CIB3: variants seen among roughly 807,000 people sequenced by gnomAD.
CIB3 encodes calcium and integrin binding family member 3.
Under a neutral mutation model 23.4 loss-of-function variants are expected in CIB3, and 22 were observed. That is an observed-to-expected ratio of 0.94 (90% CI 0.67 to 1.34). The LOEUF is 1.34. Ranked by LOEUF, CIB3 falls within the 40% of genes most tolerant of loss-of-function variation. The pLI is 0.00. For missense variants in CIB3, 258 were observed against 247.3 expected (o/e 1.04, Z -0.29); for synonymous variants, 93 against 95.8 (o/e 0.97, Z 0.17).
At position 16,164,800 on chromosome 19, in the gene CIB3, C is replaced by T. The variant is rs572224060; in HGVS notation, c.460G>A (p.Asp154Asn). Residue 154 changes from aspartate (D) to asparagine (N), a missense_variant, in exon 5 of 6, where the codon GAT becomes AAT. Transcript: ENST00000269878. ...EVSLVCEKVLDEADGDHDGRL... is the reference protein window; with the variant it reads ...EVSLVCEKVLNEADGDHDGRL... ...CCATCATGGTCTCCATCAGCCTCAT[C>T]CAGCACCTTCTCACATACCAGGCTC... 1.2e-6 allele frequency: 2 copies of T among 1,614,066 alleles called. No individual in the cohort carries two copies. Among genetic ancestry groups the T allele is most frequent in the Admixed American group, 1.7e-5 (1 of 59,980 alleles).
intron 4 of CIB3, among the ~76,000 whole-genome samples, chr19:16,167,724 C>T (rs748195028): frequency 3.4e-4 from 52 of 151,976 alleles, no homozygotes; most frequent in Admixed American, 7.2e-4. Context: ...CCCAGCTACT[C>T]GGAAGGCTGA....
In CIB3 at chr19:16,168,248, A is replaced by T. The variant is rs752431823; in HGVS notation, c.235T>A (p.Ser79Thr). The T allele has an allele frequency of 1.2e-6, 2 of 1,613,824 alleles. No individual in the cohort carries two copies. The highest frequency in any genetic ancestry group is 4.5e-5 in the East Asian group (2 of 44,872). ...GTCATGTGGCCATCCCCATCCTCAG[A>T]GAATACCTGGGCAATCCTCTGGCGG... ...PFRQRIAQVF[S>T]EDGDGHMTLD... The change falls in exon 4 of 6, where the codon TCT becomes ACT. Residue 79 changes from serine to threonine, a missense_variant. By Grantham distance (58) the Ser-to-Thr change is moderately conservative. Transcript: ENST00000269878.
At chr19:16,161,723 G>A (rs999006576) in intron 5 of CIB3, among the ~76,000 whole-genome samples, 1 of 143,344 alleles carries the variant, frequency 7.0e-6, no homozygotes, top group African/African-American at 2.6e-5. Context: ...TGTCTCCCAG[G>A]CTGTAGTGCA....
At position 16,169,343 on chromosome 19, in the gene CIB3, C is replaced by T. The variant is rs189574098; in HGVS notation, c.198+287G>A. Among the ~76,000 whole-genome samples, 3 of 152,132 alleles carry T rather than the reference C, an allele frequency of 2.0e-5. No individual in the cohort carries two copies. The East Asian group carries it at 5.8e-4, about 29-fold the overall frequency. ...ATTTTTAGTAGAGACGGGGTTTCAC[C>T]ATGTTGGCCAGGCTGGTCTCGAACT... is the stretch of plus-strand genomic sequence containing the variant. On this transcript the variant is annotated intron_variant, in intron 3 of 5. Coordinates refer to ENST00000269878, the MANE Select transcript of CIB3 (RefSeq NM_054113.4).
chr19:16,173,086 C>T, intron 2 of CIB3, 76 bp downstream of exon 2: 3 of 1,145,908 alleles, frequency 2.6e-6, no homozygotes, highest in Non-Finnish European at 3.7e-6. Flanking sequence ...ACACACACAC[C>T]AAATTGCAAA....
intron 1 of CIB3, 56 bp from the exon 2 acceptor site, chr19:16,173,252 G>A (rs570526076): frequency 2.0e-5 from 32 of 1,611,774 alleles, no homozygotes; most frequent in East Asian, 8.9e-5. Context: ...CTCCTCCCAC[G>A]GCCTCCTCCC....
intron 4 of CIB3, among the ~76,000 whole-genome samples, chr19:16,167,603 G>A (rs1017111821): frequency 3.3e-5 from 5 of 152,016 alleles, no homozygotes; most frequent in Non-Finnish European, 5.9e-5. Context: ...AGGCCGAGGC[G>A]GGCGGATCAC....
At chr19:16,161,732 C>CA (rs2091285888) in intron 5 of CIB3, among the ~76,000 whole-genome samples, 1 of 126,726 alleles carries the variant, frequency 7.9e-6, no homozygotes, top group Non-Finnish European at 1.6e-5. Context: ...GGCTGTAGTG[C>CA]AGTGGTGTGA....
chr19:16,170,853 AAG>A (rs988899774), intron 2 of CIB3, among the ~76,000 whole-genome samples: 35 of 151,148 alleles, frequency 2.3e-4, no homozygotes, highest in African/African-American at 7.3e-4. Flanking sequence ...AAAAGAAAGA[AAG>A]AGGCCGGGCG....
chr19:16,161,551 C>G (rs1383246645), intron 5 of CIB3, 65 bp from the exon 6 acceptor site: 4 of 1,559,326 alleles, frequency 2.6e-6, no homozygotes, highest in Non-Finnish European at 3.5e-6. Context: ...CCTCCTCCCC[C>G]TCAACACGCT....
chr19:16,173,237 G>T (rs775472002), intron 1 of CIB3, 41 bp from the exon 2 acceptor site: 1 of 1,613,816 alleles, frequency 6.2e-7, no homozygotes, highest in Non-Finnish European at 8.5e-7. Context: ...CCCTGCCTCT[G>T]GGGCCTCCTC....
chr19:16,164,941 C>T (rs767873946), intron 4 of CIB3, 28 bp from the exon 5 acceptor site: 34 of 1,601,228 alleles, frequency 2.1e-5, no homozygotes, highest in Non-Finnish European at 2.7e-5. Flanking sequence ...TGGGGAGTGA[C>T]AGCAGGTGGC....
chr19:16,168,419 C>T (rs762507256), intron 3 of CIB3, 135 bp from the exon 4 acceptor site: 161 of 1,285,736 alleles, frequency 1.3e-4, no homozygotes, highest in Middle Eastern at 5.5e-4. Flanking sequence ...CTCCCATGGT[C>T]CCTGGACAGG....
Position 16,169,632 on chromosome 19 carries a change from T to G in CIB3, c.196A>C (p.Lys66Gln). 1.2e-6 allele frequency: 2 copies of G among 1,612,800 alleles called. No homozygotes were observed. The highest frequency in any genetic ancestry group is 1.7e-6 in the Non-Finnish European group (2 of 1,179,220). ...YELIGSMPEL[K>Q]DNPFRQRIAQ... ...TTTGTCCCATGGCCTGGGCATACCT[T>G]CAGCTCGGGCATGCTGCCAATGAGC... Residue 66 changes from lysine to glutamine, a missense_variant and splice_region_variant, in exon 3 of 6, where the codon AAG (lysine) becomes CAG (glutamine). Coordinates refer to ENST00000269878, the MANE Select transcript of CIB3 (RefSeq NM_054113.4).
At chr19:16,164,062 C>T (rs1216974710) in intron 5 of CIB3, among the ~76,000 whole-genome samples, 2 of 152,160 alleles carry the variant, frequency 1.3e-5, no homozygotes, top group Non-Finnish European at 2.9e-5. Flanking sequence ...CCTTGACCTC[C>T]TGGGCTCAAG....
Position 16,173,468 on chromosome 19 carries a change from T to C in CIB3, c.8A>G (p.Asn3Ser). Residue 3 changes from asparagine (N) to serine (S), a missense_variant, in exon 1 of 6, where the codon AAC becomes AGC. Asn to Ser is a conservative substitution (Grantham distance 46). Coordinates refer to ENST00000269878, the MANE Select transcript of CIB3 (RefSeq NM_054113.4). ...CTCGTGTGTGAAGACTGTCTGCTTG[T>C]TGCCCATGGTGTGAACCACAGCCCA... MG[N>S]KQTVFTHEQL... is the part of the protein sequence containing the mutation. 1.2e-6 allele frequency: 2 copies of C among 1,614,048 alleles called. No individual in the cohort carries two copies. The highest frequency in any genetic ancestry group is 2.2e-5 in the South Asian group (2 of 91,078).
At chr19:16,171,063 G>T (rs913338928) in intron 2 of CIB3, among the ~76,000 whole-genome samples, 1 of 151,638 alleles carries the variant, frequency 6.6e-6, no homozygotes, top group Non-Finnish European at 1.5e-5. Flanking sequence ...GTGTGAACCC[G>T]GGAGGCGCAG....
chr19:16,169,126 T>G (rs1014763878), intron 3 of CIB3, among the ~76,000 whole-genome samples: 12 of 151,906 alleles, frequency 7.9e-5, no homozygotes, highest in African/African-American at 2.9e-4. Context: ...ATTCTGGGTG[T>G]TTTTTGTTTG....
At chr19:16,162,914 A>T (rs2091290931) in intron 5 of CIB3, among the ~76,000 whole-genome samples, 1 of 122,356 alleles carries the variant, frequency 8.2e-6, no homozygotes. Flanking sequence ...TTTTTGAGAC[A>T]GAGTCTCGCT....
Sources: gnomAD v4.1 joint callset for allele counts (sites outside exome capture counted in the v4.1 genomes callset) on GRCh38, gnomAD v4.1.1 for gene constraint, MANE v1.5 for transcripts, NCBI Gene and HGNC (gene_info 2026-07-23, HGNC 2026-07-21) for gene names.